Variants in NGF observed in about 807,000 individuals in gnomAD.
NGF encodes the protein beta-nerve growth factor.
NGF carries 4 observed loss-of-function variants against 12.8 expected under a neutral mutation model. The observed-to-expected ratio is 0.31, with a 90% CI of 0.15 to 0.72. NGF has a LOEUF of 0.72. Among genes scored for constraint, NGF ranks in the 30% least tolerant of loss-of-function variants. The pLI is 0.69. For synonymous variants in NGF, 140 were observed against 130.0 expected (o/e 1.08, Z -0.52); for missense variants, 283 against 330.8 (o/e 0.86, Z 1.12).
intron 1 of NGF, among the ~76,000 whole-genome samples, chr1:115,299,551 A>G (rs983500857): frequency 5.9e-5 from 9 of 152,222 alleles, no homozygotes; most frequent in African/African-American, 2.2e-4. Context: ...TTACAACAAC[A>G]TTAATGTGGT....
At chr1:115,320,927 C>G (rs7516191) in intron 1 of NGF, among the ~76,000 whole-genome samples, 97,696 of 152,084 alleles carry the variant, frequency 0.64, 32,150 homozygotes, top group Non-Finnish European at 0.72. Flanking sequence ...GAGAAGCTTA[C>G]GGTGGAGCAG....
intron 1 of NGF, among the ~76,000 whole-genome samples, chr1:115,295,439 C>T (rs1486572528): frequency 6.6e-6 from 1 of 152,184 alleles, no homozygotes; most frequent in Non-Finnish European, 1.5e-5. Context: ...TTTTCATGCT[C>T]TCCCAGGGTT....
At position 115,286,634 on chromosome 1, in the gene NGF, G is replaced by C; in HGVS notation, c.162C>G (p.Ala54=). 6.2e-7 allele frequency: 1 copy of C among 1,614,234 alleles called. No individual in the cohort carries two copies. The highest frequency in any genetic ancestry group is 8.5e-7 in the Non-Finnish European group (1 of 1,180,048). The change falls in exon 3 of 3, where the codon GCC becomes GCG. Residue 54 remains alanine, a synonymous_variant. Transcript: ENST00000369512. ...LDTALRRARS[A]PAAAIAARVA... ...CGCGTGCAGCTATCGCCGCTGCCGG[G>C]GCGCTGCGGGCTCTGCGAAGGGCAG...
chr1:115,320,029 C>T (rs1654575514), intron 1 of NGF, among the ~76,000 whole-genome samples: 2 of 152,142 alleles, frequency 1.3e-5, no homozygotes, highest in African/African-American at 4.8e-5. Flanking sequence ...ATCCAGATGG[C>T]CCAGGGTCTG....
chr1:115,335,845 G>A (rs1655096234), intron 1 of NGF, among the ~76,000 whole-genome samples: 1 of 152,194 alleles, frequency 6.6e-6, no homozygotes, highest in South Asian at 2.1e-4. Context: ...GGGTACTGCA[G>A]TAAAGCACTC....
chr1:115,298,399 G>A (rs1653935670), intron 1 of NGF, among the ~76,000 whole-genome samples: 1 of 152,142 alleles, frequency 6.6e-6, no homozygotes, highest in Admixed American at 6.5e-5. Context: ...ATTGTGGACA[G>A]ACTCCGAGTA....
At chr1:115,333,882 G>A (rs11102929) in intron 1 of NGF, among the ~76,000 whole-genome samples, 35,243 of 146,486 alleles carry the variant, frequency 0.24, 4,375 homozygotes, top group East Asian at 0.31. Context: ...TGAAATCAGC[G>A]CCAAGCTCTG....
At chr1:115,332,147 G>GCAAA (rs1654938862) in intron 1 of NGF, among the ~76,000 whole-genome samples, 1 of 152,202 alleles carries the variant, frequency 6.6e-6, no homozygotes, top group African/African-American at 2.4e-5. Context: ...GAGTAAGGAA[G>GCAAA]CAAAACATTC....
chr1:115,286,407 CT>C lies in NGF; in HGVS notation c.388del (p.Arg130GlyfsTer28), dbSNP rs1166113493. ...ACTGTCACACACCGAGAATTCGCCC[CT>C]GTGGAAGATGGGATGGGATGATGAC... is the stretch of plus-strand genomic sequence containing the variant. The part of the protein sequence containing the change: ...KRSSSHPIFH[R>X]GEFSVCDSVS... On this transcript the variant is annotated frameshift_variant, in exon 3 of 3. Transcript: ENST00000369512. LOFTEE classifies it high-confidence loss of function. 1 of 1,613,928 alleles carries C rather than the reference CT, an allele frequency of 6.2e-7. No individual in the cohort carries two copies. The highest frequency in any genetic ancestry group is 8.5e-7 in the Non-Finnish European group (1 of 1,180,006).
At chr1:115,331,186 C>T (rs1013236459) in intron 1 of NGF, among the ~76,000 whole-genome samples, 1 of 152,196 alleles carries the variant, frequency 6.6e-6, no homozygotes, top group Non-Finnish European at 1.5e-5. Flanking sequence ...CTCCTTTCCC[C>T]TTCACAATTG....
At chr1:115,333,686 TTTCTTTC>T (rs1404962557) in intron 1 of NGF, among the ~76,000 whole-genome samples, 1,586 of 60,188 alleles carry the variant, frequency 0.026, 48 homozygotes, top group African/African-American at 0.17. Flanking sequence ...TCTTTCTTTC[TTTCTTTC>T]TTTCTTTCTT....
rs1035937750 is a variant in NGF at position 115,286,489 on chromosome 1, G to C, written c.307C>G (p.Leu103Val). 8 of 1,614,144 alleles carry C rather than the reference G, an allele frequency of 5.0e-6. No homozygotes were observed. Among genetic ancestry groups the C allele is most frequent in the Non-Finnish European group, 6.8e-6 (8 of 1,180,034 alleles). ...GCAGCACCACCGACCTCGAAGTCCAGATCCTGAGTGTCTGCAGCTTCACGG... is the reference window on the plus strand; with the variant it reads ...GCAGCACCACCGACCTCGAAGTCCACATCCTGAGTGTCTGCAGCTTCACGG... The part of the protein sequence containing the change: ...PPREAADTQD[L>V]DFEVGGAAPF... Residue 103 changes from leucine (L) to valine (V), a missense_variant, in exon 3 of 3, where the codon CTG (leucine) becomes GTG (valine). By Grantham distance (32) the Leu-to-Val change is conservative. Coordinates refer to ENST00000369512, the MANE Select transcript of NGF (RefSeq NM_002506.3).
chr1:115,317,274 C>T (rs1654498483), intron 1 of NGF, among the ~76,000 whole-genome samples: 1 of 152,132 alleles, frequency 6.6e-6, no homozygotes. Flanking sequence ...TTCCATCCTA[C>T]AGCACATTAG....
At chr1:115,294,723 G>A (rs1433226429) in intron 1 of NGF, among the ~76,000 whole-genome samples, 1 of 152,226 alleles carries the variant, frequency 6.6e-6, no homozygotes, top group Non-Finnish European at 1.5e-5. Context: ...GAGAAGGAAT[G>A]AGGGAGAGAA....
At chr1:115,302,943 G>A (rs1654086431) in intron 1 of NGF, among the ~76,000 whole-genome samples, 1 of 152,108 alleles carries the variant, frequency 6.6e-6, no homozygotes. Flanking sequence ...CCTCATCTGT[G>A]TCCACCACTT....
intron 1 of NGF, among the ~76,000 whole-genome samples, chr1:115,320,952 G>C (rs1237914096): frequency 6.6e-6 from 1 of 152,206 alleles, no homozygotes; most frequent in East Asian, 1.9e-4. Context: ...GAGCCTGTGT[G>C]AGCTGGCTGC....
At chr1:115,317,749 T>C (rs1654510154) in intron 1 of NGF, among the ~76,000 whole-genome samples, 1 of 152,250 alleles carries the variant, frequency 6.6e-6, no homozygotes, top group Non-Finnish European at 1.5e-5. Flanking sequence ...CCTTGCTCAC[T>C]GTGTAACTTG....
Position 115,333,727 on chromosome 1 carries a change from CTTCT to C in NGF, c.-137+4473_-137+4476del, listed in dbSNP as rs1019217857. On this transcript the variant is annotated intron_variant, in intron 1 of 2. Coordinates refer to ENST00000369512, the MANE Select transcript of NGF (RefSeq NM_002506.3). Reference sequence around the variant, plus strand: ...TTTCTTTCTTTCTTTTCTTTCTTTCCTTCTTTCTTTCTTTCTTCCTTCCTCCCTC... The same window carrying C: ...TTTCTTTCTTTCTTTTCTTTCTTTCCTTCTTTCTTTCTTCCTTCCTCCCTC... 4.4e-4 allele frequency among the ~76,000 whole-genome samples: 43 copies of C among 98,654 alleles called. 1 individual carries two copies. Among genetic ancestry groups the C allele is most frequent in the Non-Finnish European group, 6.6e-4 (34 of 51,268 alleles). 64.7% of individuals were successfully genotyped at this position (98,654 alleles called of 152,430 possible).
At chr1:115,296,600 A>G (rs1371481220) in intron 1 of NGF, among the ~76,000 whole-genome samples, 4 of 152,120 alleles carry the variant, frequency 2.6e-5, no homozygotes, top group South Asian at 4.1e-4. Flanking sequence ...TCTCCTGCCA[A>G]TCTCATCTGG....
Sources: gnomAD v4.1 joint callset for allele counts (sites outside exome capture counted in the v4.1 genomes callset) on GRCh38, gnomAD v4.1.1 for gene constraint, MANE v1.5 for transcripts, NCBI Gene and HGNC (gene_info 2026-07-23, HGNC 2026-07-21) for gene names.